PPP1R1C: variants seen among roughly 807,000 people sequenced by gnomAD.
PPP1R1C encodes the protein protein phosphatase 1 regulatory subunit 1C.
In PPP1R1C, 15 loss-of-function variants were observed where a neutral mutation model predicts 17.4. That is an observed-to-expected ratio of 0.86 (90% CI 0.58 to 1.33). The LOEUF (loss-of-function observed/expected upper bound fraction) is 1.33, where lower values mean the gene tolerates loss of function less well. Among genes scored for constraint, PPP1R1C ranks in the 40% most tolerant of loss-of-function variants. The pLI is 0.00. For missense variants in PPP1R1C, 143 were observed against 130.0 expected, an observed-to-expected ratio of 1.10 and a Z score of -0.48; for synonymous variants, 35 against 43.1, an observed-to-expected ratio of 0.81 and a Z score of 0.73.
chr2:181,978,961 T>A (rs1268034406), intron 2 of PPP1R1C, among the ~76,000 whole-genome samples: 1 of 152,158 alleles, frequency 6.6e-6, no homozygotes, highest in Non-Finnish European at 1.5e-5. Context: ...AGCATTCTAA[T>A]CCCTGGCTAT....
In PPP1R1C at chr2:182,085,964, T is replaced by A. The variant is rs566654474; in HGVS notation, c.241+22173T>A. Among the ~76,000 whole-genome samples, 13 of 152,014 alleles carry A rather than the reference T, an allele frequency of 8.6e-5. No homozygotes were observed. The South Asian group carries it at 2.7e-3, about 32-fold the overall frequency. ...ATAAAGTAAAAAATTTTAAATGATATCACAAAATAACACAGAAGAAATATG... is the reference window on the plus strand; with the variant it reads ...ATAAAGTAAAAAATTTTAAATGATAACACAAAATAACACAGAAGAAATATG... On this transcript the variant is annotated intron_variant, in intron 4 of 4. Transcript: ENST00000682840.
chr2:182,009,898 C>T (rs540870704), intron 2 of PPP1R1C, among the ~76,000 whole-genome samples: 20 of 151,956 alleles, frequency 1.3e-4, no homozygotes, highest in Non-Finnish European at 2.7e-4. Flanking sequence ...CCTTGTTATA[C>T]GTTTTTTTCA....
chr2:182,103,594 G>A (rs1046835356), intron 4 of PPP1R1C: 2 of 152,194 alleles, frequency 1.3e-5, no homozygotes, highest in Non-Finnish European at 2.9e-5. Flanking sequence ...TATTTAAAAG[G>A]ATGGTCAGAG....
chr2:181,987,649 A>G (rs1275629457), intron 1 of PPP1R1C, among the ~76,000 whole-genome samples, 190 bp from the exon 2 acceptor site: 1 of 152,238 alleles, frequency 6.6e-6, no homozygotes, highest in Non-Finnish European at 1.5e-5. Context: ...TGATACTTCT[A>G]TCAGACAGTT....
At chr2:182,021,127 G>A (rs933006799) in intron 2 of PPP1R1C, among the ~76,000 whole-genome samples, 1 of 152,080 alleles carries the variant, frequency 6.6e-6, no homozygotes, top group African/African-American at 2.4e-5. Flanking sequence ...GGGAAAGAAT[G>A]GGCTGGAGTG....
chr2:182,013,748 G>C (rs1391177287), intron 2 of PPP1R1C, among the ~76,000 whole-genome samples: 1 of 152,004 alleles, frequency 6.6e-6, no homozygotes, highest in Non-Finnish European at 1.5e-5. Flanking sequence ...CTCCCCGATT[G>C]TGTATTTTCA....
In PPP1R1C at chr2:182,003,639, A is replaced by T. The variant is rs557137584; in HGVS notation, c.142+15740A>T. 2.9e-4 allele frequency among the ~76,000 whole-genome samples: 44 copies of T among 152,070 alleles called. No homozygotes were observed. The South Asian group carries it at 8.9e-3, about 31-fold the overall frequency. On this transcript the variant is annotated intron_variant, in intron 2 of 4. Coordinates refer to ENST00000682840, the MANE Select transcript of PPP1R1C (RefSeq NM_001080545.3). ...AGAGGACATAAATCAGTCTTGTAGC[A>T]TCTCCAAGCTAATAAACTCAATAGT...
chr2:182,035,575 G>A (rs1416574857), intron 2 of PPP1R1C, among the ~76,000 whole-genome samples: 2 of 152,136 alleles, frequency 1.3e-5, no homozygotes, highest in East Asian at 1.9e-4. Context: ...GGTTTCTAAT[G>A]TTTTAGCACC....
rs555885105 is a variant in PPP1R1C at position 182,095,592 on chromosome 2, G to A, written c.242-21615G>A. Among the ~76,000 whole-genome samples the A allele has an allele frequency of 2.6e-5, 4 of 152,258 alleles. No individual in the cohort carries two copies. In the South Asian group the frequency reaches 8.3e-4, roughly 32 times the overall value. On this transcript the variant is annotated intron_variant, in intron 4 of 4. Coordinates refer to ENST00000682840, the MANE Select transcript of PPP1R1C (RefSeq NM_001080545.3). ...GTCACTCCCTTGGCCTCTTTATGTGGTAGTGTCTATAATCCATAATATTGG... is the reference window on the plus strand; with the variant it reads ...GTCACTCCCTTGGCCTCTTTATGTGATAGTGTCTATAATCCATAATATTGG...
chr2:182,131,260 A>G (rs1424932730), downstream of PPP1R1C: 2 of 152,116 alleles, frequency 1.3e-5, no homozygotes, highest in Non-Finnish European at 2.9e-5. Flanking sequence ...TTCTATATAC[A>G]CATGTATGTG....
At chr2:182,006,126 G>A (rs995970499) in intron 2 of PPP1R1C, among the ~76,000 whole-genome samples, 4 of 152,026 alleles carry the variant, frequency 2.6e-5, no homozygotes, top group Non-Finnish European at 5.9e-5. Flanking sequence ...ATGAATTGAG[G>A]GATGAAGGGT....
At chr2:181,985,334 T>G (rs1685269912), upstream of PPP1R1C, among the ~76,000 whole-genome samples, 1 of 152,218 alleles carries the variant, frequency 6.6e-6, no homozygotes, top group Admixed American at 6.5e-5. The surrounding 1 kb of genome is among the most constrained non-coding windows in gnomAD (Gnocchi z 4.1). Flanking sequence ...GGCCTAGACG[T>G]AGCCAGTAAT....
At chr2:181,980,952 G>A (rs1376955565), upstream of PPP1R1C, among the ~76,000 whole-genome samples, 1 of 142,940 alleles carries the variant, frequency 7.0e-6, no homozygotes, top group African/African-American at 2.6e-5. Flanking sequence ...TTTTTGAGAC[G>A]GAGTCTCGCT....
chr2:181,972,668 A>G (rs1045183363), intron 1 of PPP1R1C, among the ~76,000 whole-genome samples: 6 of 152,146 alleles, frequency 3.9e-5, no homozygotes, highest in Non-Finnish European at 7.4e-5. Context: ...CATATGTACA[A>G]AGTGAAAGGA....
At chr2:181,977,561 C>G (rs1393859413) in intron 2 of PPP1R1C, among the ~76,000 whole-genome samples, 1 of 152,138 alleles carries the variant, frequency 6.6e-6, no homozygotes, top group African/African-American at 2.4e-5. Context: ...ACCTTCAAGA[C>G]AGACCACTCT....
chr2:181,957,535 G>A lies in PPP1R1C; in HGVS notation n.111+2901G>A, dbSNP rs72891078. ...AATCATAACAGACATTCATTCCATT[G>A]TTTATACGTAAAATTACTAAATATT... On this transcript the variant is annotated intron_variant and non_coding_transcript_variant, in intron 1 of 5. Transcript: ENST00000464264. The surrounding 1 kb of genome is among the most constrained non-coding windows in gnomAD (Gnocchi z 4.2). 5.2e-3 allele frequency among the ~76,000 whole-genome samples: 797 copies of A among 152,168 alleles called. 2 individuals carry two copies. The highest frequency in any genetic ancestry group is 0.01 in the South Asian group (50 of 4,820).
chr2:182,047,116 G>A (rs1382602982), intron 2 of PPP1R1C, among the ~76,000 whole-genome samples: 2 of 152,042 alleles, frequency 1.3e-5, no homozygotes, highest in African/African-American at 4.8e-5. Context: ...AATTGTTAAC[G>A]TTTGAATAAT....
chr2:182,053,786 A>AT (rs1687599187), intron 2 of PPP1R1C, among the ~76,000 whole-genome samples: 7 of 150,532 alleles, frequency 4.7e-5, no homozygotes, highest in South Asian at 2.1e-4. Context: ...TATTTTATTT[A>AT]TTTATTCTTT....
chr2:182,114,564 G>C (rs1190032331), intron 4 of PPP1R1C, among the ~76,000 whole-genome samples: 2 of 152,152 alleles, frequency 1.3e-5, no homozygotes, highest in African/African-American at 4.8e-5. Flanking sequence ...GGAAAAGAGA[G>C]AGATTGCCTT....
Sources: gnomAD v4.1 joint callset for allele counts (sites outside exome capture counted in the v4.1 genomes callset) on GRCh38, gnomAD v4.1.1 for gene constraint, Gnocchi (gnomAD v3.1) non-coding constraint, MANE v1.5 for transcripts, NCBI Gene and HGNC (gene_info 2026-07-23, HGNC 2026-07-21) for gene names.